Variants in ADARB1 observed in about 807,000 individuals in gnomAD.
The protein encoded by ADARB1 is adenosine deaminase RNA specific B1, also known as double-stranded RNA-specific editase 1.
ADARB1 carries 10 observed loss-of-function variants against 52.4 expected under a neutral mutation model. The observed-to-expected ratio is 0.19, with a 90% CI of 0.12 to 0.32. ADARB1 has a LOEUF of 0.32. ADARB1 is among the 10% of genes least tolerant of loss of function. ADARB1 has a pLI of 1.00. For synonymous variants in ADARB1, 349 were observed against 371.1 expected (o/e 0.94, Z 0.68); for missense variants, 643 against 922.3 (o/e 0.70, Z 3.92).
intron 1 of ADARB1, among the ~76,000 whole-genome samples, chr21:45,102,098 C>G (rs897345828): frequency 5.9e-5 from 9 of 152,114 alleles, no homozygotes; most frequent in Non-Finnish European, 2.9e-5. Flanking sequence ...TGCTGTGTTG[C>G]CCAGGCTAGA....
intron 2 of ADARB1, chr21:45,144,784 T>C: frequency 2.8e-6 from 1 of 352,632 alleles, no homozygotes; most frequent in South Asian, 2.3e-5. Context: ...TTCCACTTGC[T>C]GGCACACAGA....
chr21:45,204,065 C>T lies in ADARB1; in HGVS notation c.1566-490C>T, dbSNP rs777532571. On this transcript the variant is annotated intron_variant, in intron 8 of 10. Transcript: ENST00000348831. This position sits in a 1 kb window ranked among gnomAD's most constrained non-coding sequence, Gnocchi z 4.4. ...GCTAATGGGCCAGCGGCATCTGCAA[C>T]GTGGATGGTTCACATCCCGGGCTGG... Among the ~76,000 whole-genome samples the T allele has an allele frequency of 2.0e-5, 3 of 152,224 alleles. No homozygotes were observed. The highest frequency in any genetic ancestry group is 6.5e-5 in the Admixed American group (1 of 15,278).
chr21:45,094,892 T>C (rs190680432), intron 1 of ADARB1, among the ~76,000 whole-genome samples: 1 of 152,250 alleles, frequency 6.6e-6, no homozygotes, highest in Non-Finnish European at 1.5e-5. Context: ...GCCTGGACGC[T>C]CACTGAGAGG....
chr21:45,196,406 A>G (rs2092427096), intron 8 of ADARB1, among the ~76,000 whole-genome samples: 1 of 152,242 alleles, frequency 6.6e-6, no homozygotes, highest in African/African-American at 2.4e-5. Context: ...ATGCATAAAA[A>G]TTCTGGAAAC....
rs777290460 is a variant in ADARB1, at chr21:45,225,569, C to T, written c.*3372C>T. The T allele has an allele frequency of 1.8e-5, 24 of 1,337,722 alleles. No individual in the cohort carries two copies. Among genetic ancestry groups the T allele is most frequent in the Non-Finnish European group, 2.0e-5 (21 of 1,032,172 alleles). 82.9% of individuals were successfully genotyped at this position (1,337,722 alleles called of 1,614,324 possible). ...CAGGTACACTGAGGAGGGGACGGCTCCGTCTTCACATTGTGCACAGATCTG... is the reference window on the plus strand; with the variant it reads ...CAGGTACACTGAGGAGGGGACGGCTTCGTCTTCACATTGTGCACAGATCTG... On this transcript the variant is annotated 3_prime_UTR_variant, in exon 11 of 11. Coordinates refer to ENST00000348831, the MANE Select transcript of ADARB1 (RefSeq NM_001112.4).
intron 7 of ADARB1, 52 bp downstream of exon 7, chr21:45,183,562 A>AT (rs1371784777): frequency 6.3e-7 from 1 of 1,588,962 alleles, no homozygotes; most frequent in East Asian, 2.2e-5. Flanking sequence ...ATGTTAACAG[A>AT]TAAAAACTAA....
Position 45,222,954 on chromosome 21 carries a change from A to G in ADARB1, c.*757A>G, listed in dbSNP as rs2092991417. The G allele has an allele frequency of 2.0e-6, 2 of 985,374 alleles. No homozygotes were observed. Among genetic ancestry groups the G allele is most frequent in the African/African-American group, 3.5e-5 (2 of 57,254 alleles). The allele number at this position is 985,374 out of a possible 1,614,324, so 61.0% of individuals were successfully genotyped here. On this transcript the variant is annotated 3_prime_UTR_variant, in exon 11 of 11. Coordinates refer to ENST00000348831, the MANE Select transcript of ADARB1 (RefSeq NM_001112.4). ...AAGCTTCTGTACTCCTTGTAGGATC[A>G]GATCATGGAAAACTTTTCTCAGTTT...
chr21:45,136,677 G>A (rs996760575), intron 2 of ADARB1, among the ~76,000 whole-genome samples: 3 of 152,248 alleles, frequency 2.0e-5, no homozygotes, highest in African/African-American at 4.8e-5. Context: ...ACCAGCCAGC[G>A]GCTGCTGGGA....
intron 2 of ADARB1, among the ~76,000 whole-genome samples, chr21:45,140,184 C>T (rs2089644342): frequency 6.6e-6 from 1 of 151,990 alleles, no homozygotes; most frequent in South Asian, 2.1e-4. Flanking sequence ...CTCGGGTGAT[C>T]CACCCACCTC....
intron 2 of ADARB1, among the ~76,000 whole-genome samples, chr21:45,166,486 A>T (rs933340362): frequency 1.3e-5 from 2 of 152,244 alleles, no homozygotes; most frequent in Admixed American, 1.3e-4. Flanking sequence ...ACCTTTACCA[A>T]ATATTCTGTG....
intron 3 of ADARB1, 21 bp downstream of exon 3, chr21:45,171,705 G>C: frequency 6.3e-7 from 1 of 1,599,012 alleles, no homozygotes; most frequent in Non-Finnish European, 8.5e-7. Context: ...GGCCTATCAC[G>C]TAGTATCAGA....
At position 45,117,619 on chromosome 21, in the gene ADARB1, C is replaced by T. The variant is rs138036964; in HGVS notation, c.-219-10783C>T. Among the ~76,000 whole-genome samples the T allele has an allele frequency of 3.4e-3, 523 of 151,806 alleles. 4 individuals are homozygous for T. Among genetic ancestry groups the T allele is most frequent in the African/African-American group, 0.012 (498 of 41,396 alleles). On this transcript the variant is annotated intron_variant, in intron 1 of 10. Coordinates refer to ENST00000348831, the MANE Select transcript of ADARB1 (RefSeq NM_001112.4). ...TAAAATTCTGACTTTATATAACTAA[C>T]GCAATGCTCATGCTACTTCACTTGT... is the stretch of plus-strand genomic sequence containing the variant.
chr21:45,132,583 G>T, intron 2 of ADARB1, among the ~76,000 whole-genome samples: 1 of 152,294 alleles, frequency 6.6e-6, no homozygotes, highest in South Asian at 2.1e-4. Flanking sequence ...GTGGGCACTG[G>T]CTCCCCAGGG....
At chr21:45,160,307 C>T (rs1219864035) in intron 2 of ADARB1, among the ~76,000 whole-genome samples, 1 of 152,240 alleles carries the variant, frequency 6.6e-6, no homozygotes, top group Non-Finnish European at 1.5e-5. Flanking sequence ...TGCCGGGAGC[C>T]GCTGCAGTGG....
chr21:45,113,501 G>A (rs992019051), intron 1 of ADARB1, among the ~76,000 whole-genome samples: 15 of 133,460 alleles, frequency 1.1e-4, no homozygotes, highest in Non-Finnish European at 1.7e-4. Flanking sequence ...GTATATATGT[G>A]TGTGTGTGTG....
At chr21:45,077,592 A>G (rs565619712) in intron 1 of ADARB1, among the ~76,000 whole-genome samples, 24 of 152,040 alleles carry the variant, frequency 1.6e-4, no homozygotes, top group Middle Eastern at 3.2e-3. Context: ...GCGTGAACCC[A>G]GGAGGCGGAG....
intron 6 of ADARB1, among the ~76,000 whole-genome samples, chr21:45,183,021 T>C (rs1172446853): frequency 6.6e-6 from 1 of 152,204 alleles, no homozygotes; most frequent in East Asian, 1.9e-4. Flanking sequence ...TAAATAGAAG[T>C]TCCCAAACTG....
intron 2 of ADARB1, among the ~76,000 whole-genome samples, chr21:45,143,814 C>G (rs763441548): frequency 2.5e-4 from 38 of 152,352 alleles, no homozygotes; most frequent in Middle Eastern, 6.8e-3. Flanking sequence ...CACCTCGCTG[C>G]AGTCTTTTCC....
At chr21:45,145,159 C>G (rs1051083357) in intron 2 of ADARB1, 3 of 152,284 alleles carry the variant, frequency 2.0e-5, no homozygotes, top group African/African-American at 7.2e-5. Context: ...CCCTTGTGCC[C>G]ATAGAATTGT....
Sources: allele counts gnomAD v4.1 joint callset (sites outside exome capture counted in the v4.1 genomes callset), GRCh38; gene constraint gnomAD v4.1.1; non-coding constraint Gnocchi (gnomAD v3.1); transcripts MANE v1.5; gene names NCBI Gene and HGNC (gene_info 2026-07-23, HGNC 2026-07-21).